Variants in ARHGEF18 observed in about 807,000 individuals in gnomAD.
ARHGEF18 encodes the protein rho guanine nucleotide exchange factor 18.
In ARHGEF18, 93 loss-of-function variants were observed where a neutral mutation model predicts 155.7. The observed-to-expected ratio is 0.60, with a 90% CI of 0.50 to 0.71. The LOEUF is 0.71. ARHGEF18 is among the 30% of genes least tolerant of loss of function. The pLI, the probability that ARHGEF18 is intolerant of heterozygous loss-of-function variation, is 0.00. For synonymous variants in ARHGEF18, 742 were observed against 753.1 expected, an observed-to-expected ratio of 0.99 and a Z score of 0.24; for missense variants, 1,593 against 1,816.1, an observed-to-expected ratio of 0.88 and a Z score of 2.23.
At chr19:7,356,291 G>A (rs547429511) in intron 1 of ARHGEF18, among the ~76,000 whole-genome samples, 1 of 139,938 alleles carries the variant, frequency 7.1e-6, no homozygotes, top group African/African-American at 3.0e-5. Flanking sequence ...TTTTTTCTGA[G>A]ACCGAGTCTC....
At chr19:7,387,813 G>A (rs1000558964) in intron 10 of ARHGEF18, among the ~76,000 whole-genome samples, 8 of 151,920 alleles carry the variant, frequency 5.3e-5, no homozygotes, top group Admixed American at 5.2e-4. Flanking sequence ...GGGATTACAG[G>A]TACCTGCCAC....
At chr19:7,457,843 C>A (rs1394290449) in intron 18 of ARHGEF18, among the ~76,000 whole-genome samples, 1 of 152,014 alleles carries the variant, frequency 6.6e-6, no homozygotes, top group African/African-American at 2.4e-5. Flanking sequence ...ACTAGAAATA[C>A]CGGTGGCTCT....
intron 10 of ARHGEF18, among the ~76,000 whole-genome samples, chr19:7,410,809 CAAAAAAAAA>C (rs58022667): frequency 1.2e-5 from 1 of 82,288 alleles, no homozygotes; most frequent in African/African-American, 4.2e-5. Flanking sequence ...GACTCCATCT[CAAAAAAAAA>C]AAAAAAAAAA....
At position 7,455,513 on chromosome 19, in the gene ARHGEF18, AG is replaced by A. The variant is rs1280445052; in HGVS notation, c.2105-809del. Among the ~76,000 whole-genome samples, 10 of 152,270 alleles carry A rather than the reference AG, an allele frequency of 6.6e-5. No homozygotes were observed. The East Asian group carries it at 1.9e-3, about 29-fold the overall frequency. On this transcript the variant is annotated intron_variant, in intron 17 of 28. Transcript: ENST00000668164. ...AGGTTCATACAGGGACAAGGCGCCA[AG>A]GGGGACTGAGGGGCACGAGGGGACT...
chr19:7,386,812 C>T (rs1971107776), intron 10 of ARHGEF18, among the ~76,000 whole-genome samples: 1 of 152,074 alleles, frequency 6.6e-6, no homozygotes, highest in Non-Finnish European at 1.5e-5. Flanking sequence ...TCCACCTAGA[C>T]TCCTATCAGG....
intron 1 of ARHGEF18, among the ~76,000 whole-genome samples, chr19:7,358,594 A>T (rs1969422999): frequency 6.6e-6 from 1 of 152,122 alleles, no homozygotes; most frequent in African/African-American, 2.4e-5. Context: ...CCATTTATCT[A>T]CCCATTTATC....
Position 7,462,216 on chromosome 19 carries a change from GGAGATGGCC to G in ARHGEF18, c.2525_2533del (p.Ala842_Met844del). The G allele has an allele frequency of 6.2e-7, 1 of 1,614,018 alleles. No individual in the cohort carries two copies. Among genetic ancestry groups the G allele is most frequent in the Non-Finnish European group, 8.5e-7 (1 of 1,180,038 alleles). ...TCCTAGAGAAACAGCAGATCTACCTGGAGATGGCCGAGATGGGCGGCCTCGAAGACCTGC... is the reference window on the plus strand; with the variant it reads ...TCCTAGAGAAACAGCAGATCTACCTGGAGATGGGCGGCCTCGAAGACCTGC... On this transcript the variant is annotated inframe_deletion, in exon 21 of 29. Transcript: ENST00000668164. The surrounding 1 kb of genome is among the most constrained non-coding windows in gnomAD (Gnocchi z 4.4).
chr19:7,473,991 TAA>T (rs578042222), downstream of ARHGEF18, among the ~76,000 whole-genome samples: 5 of 123,320 alleles, frequency 4.1e-5, no homozygotes, highest in Admixed American at 8.2e-5. Context: ...TATAAGAGCT[TAA>T]AAAAAAAAAA....
chr19:7,442,239 CT>C (rs1197707970), intron 13 of ARHGEF18, among the ~76,000 whole-genome samples, 187 bp downstream of exon 13: 3 of 148,012 alleles, frequency 2.0e-5, no homozygotes, highest in Non-Finnish European at 4.5e-5. Context: ...TTCTTTCTTT[CT>C]TTTTTTTCTT....
intron 10 of ARHGEF18, among the ~76,000 whole-genome samples, chr19:7,421,760 T>C (rs1322556118): frequency 1.3e-5 from 2 of 152,010 alleles, no homozygotes; most frequent in African/African-American, 4.8e-5. Flanking sequence ...ACACTCCGCC[T>C]CAAAAATAAA....
chr19:7,371,086 T>A (rs1047229577), intron 2 of ARHGEF18, among the ~76,000 whole-genome samples: 7 of 151,936 alleles, frequency 4.6e-5, no homozygotes, highest in Non-Finnish European at 7.4e-5. Context: ...CACTTTTAAA[T>A]TTTTTTGTAG....
rs1394462495 is a variant in ARHGEF18, at chr19:7,385,480, A to ATTATTG, written c.967+2282_967+2283insGTTATT. 1.1e-3 allele frequency among the ~76,000 whole-genome samples: 159 copies of ATTATTG among 145,494 alleles called. 1 individual carries two copies. Among genetic ancestry groups the ATTATTG allele is most frequent in the African/African-American group, 2.8e-3 (111 of 39,258 alleles). Reference sequence around the variant, plus strand: ...TATTATTATTATTATTATTATTATTATTATTATTATTTTGAGACGGAGTCC... The same window carrying ATTATTG: ...TATTATTATTATTATTATTATTATTATTATTGTTATTATTATTTTGAGACGGAGTCC... On this transcript the variant is annotated intron_variant, in intron 10 of 28. Transcript: ENST00000668164.
intron 10 of ARHGEF18, among the ~76,000 whole-genome samples, chr19:7,399,237 G>A (rs544124643): frequency 6.6e-6 from 1 of 152,176 alleles, no homozygotes; most frequent in African/African-American, 2.4e-5. Context: ...GGAATTTTTT[G>A]AGGGGAGGAT....
intron 10 of ARHGEF18, among the ~76,000 whole-genome samples, chr19:7,405,837 G>GTC (rs1972273227): frequency 6.7e-6 from 1 of 150,040 alleles, no homozygotes; most frequent in Admixed American, 6.6e-5. Context: ...GCCCAGGCTG[G>GTC]TCTTAAACTC....
chr19:7,445,675 A>G (rs1328355100), intron 14 of ARHGEF18, among the ~76,000 whole-genome samples: 2 of 152,160 alleles, frequency 1.3e-5, no homozygotes, highest in Non-Finnish European at 2.9e-5. Context: ...GCTGGAGTGC[A>G]GTGGTGCAAT....
chr19:7,449,190 G>C (rs1975203047), intron 15 of ARHGEF18, among the ~76,000 whole-genome samples: 1 of 152,078 alleles, frequency 6.6e-6, no homozygotes, highest in Non-Finnish European at 1.5e-5. Flanking sequence ...GCATACAAGA[G>C]CAGCGGGAGC....
intron 18 of ARHGEF18, among the ~76,000 whole-genome samples, chr19:7,456,754 A>AAAAC (rs752118778): frequency 6.6e-6 from 1 of 152,294 alleles, no homozygotes; most frequent in Non-Finnish European, 1.5e-5. Context: ...ACAAAAAAAC[A>AAAAC]AAACAAACAA....
rs1456908385 is a variant in ARHGEF18, at chr19:7,375,803, G to A, written c.359G>A (p.Gly120Glu). 1 of 1,234,404 alleles carries A rather than the reference G, an allele frequency of 8.1e-7. No individual in the cohort carries two copies. Among genetic ancestry groups the A allele is most frequent in the Non-Finnish European group, 1.0e-6 (1 of 988,272 alleles). 76.5% of individuals were successfully genotyped at this position (1,234,404 alleles called of 1,614,324 possible). The change falls in exon 4 of 29, where the codon GGA becomes GAA. Residue 120 changes from glycine to glutamate, a missense_variant. Gly to Glu is a moderately conservative substitution (Grantham distance 98). Coordinates refer to ENST00000668164, the MANE Select transcript of ARHGEF18 (RefSeq NM_001367823.1). ...AGCCTTGCTTTGAACCTGCCAGGAG[G>A]AGGGCTGAAGACCTGGACTCAAGGG... ...LASLALNLPG[G>E]GLKTWTQGCL...
chr19:7,391,103 C>A (rs1268564925), intron 10 of ARHGEF18, among the ~76,000 whole-genome samples: 2 of 151,956 alleles, frequency 1.3e-5, no homozygotes, highest in Non-Finnish European at 2.9e-5. Context: ...TGTTCTCTGA[C>A]AACAAACCCC....
Sources: gnomAD v4.1 joint callset for allele counts (sites outside exome capture counted in the v4.1 genomes callset) on GRCh38, gnomAD v4.1.1 for gene constraint, Gnocchi (gnomAD v3.1) non-coding constraint, MANE v1.5 for transcripts, NCBI Gene and HGNC (gene_info 2026-07-23, HGNC 2026-07-21) for gene names.